The following CDH2 variants were observed in gnomAD, a reference collection of about 807,000 sequenced individuals.
CDH2 encodes cadherin-2.
In CDH2, 17 loss-of-function variants were observed where a neutral mutation model predicts 92.0. The observed-to-expected ratio is 0.18, with a 90% confidence interval of 0.13 to 0.28. The LOEUF (loss-of-function observed/expected upper bound fraction) is 0.28, where lower values mean the gene tolerates loss of function less well. Ranked by LOEUF, CDH2 falls within the 10% of genes least tolerant of loss-of-function variation. The pLI, the probability that CDH2 is intolerant of heterozygous loss-of-function variation, is 1.00. For synonymous variants in CDH2, 419 were observed against 415.9 expected, an observed-to-expected ratio of 1.01 and a Z score of -0.09; for missense variants, 862 against 1,133.1, an observed-to-expected ratio of 0.76 and a Z score of 3.44.
At position 28,015,836 on chromosome 18, in the gene CDH2, A is replaced by G. The variant is rs539017314; in HGVS notation, c.173-1927T>C. Reference sequence around the variant, plus strand: ...CTCCCTGCTTAAAATCTGTAACATTATATGTCAGATCTTTAACCTAGAGTA... The same window carrying G: ...CTCCCTGCTTAAAATCTGTAACATTGTATGTCAGATCTTTAACCTAGAGTA... On this transcript the variant is annotated intron_variant, in intron 2 of 15. Transcript: ENST00000269141. 5.9e-5 allele frequency among the ~76,000 whole-genome samples: 9 copies of G among 152,292 alleles called. No homozygotes were observed. The South Asian group carries it at 1.9e-3, about 32-fold the overall frequency.
chr18:28,018,753 A>T (rs1474715753), intron 2 of CDH2, among the ~76,000 whole-genome samples: 2 of 151,880 alleles, frequency 1.3e-5, no homozygotes, highest in Non-Finnish European at 2.9e-5. Flanking sequence ...TATGAAAAGG[A>T]GTGTGGTAAT....
intron 2 of CDH2, among the ~76,000 whole-genome samples, chr18:28,110,016 C>T (rs926161566): frequency 6.6e-6 from 1 of 152,112 alleles, no homozygotes; most frequent in Non-Finnish European, 1.5e-5. Flanking sequence ...ATGGCAAGAG[C>T]ATACAAATAC....
chr18:28,073,839 G>C (rs991752199), intron 2 of CDH2, among the ~76,000 whole-genome samples: 9 of 152,160 alleles, frequency 5.9e-5, no homozygotes, highest in African/African-American at 2.2e-4. Context: ...AGGTCCACTA[G>C]CCTTATCTGC....
chr18:27,951,890 A>ATCTCT lies in CDH2; in HGVS notation c.*262_*263insAGAGA, dbSNP rs1352568122. 6 of 442,570 alleles carry ATCTCT rather than the reference A, an allele frequency of 1.4e-5. No individual in the cohort carries two copies. The highest frequency in any genetic ancestry group is 2.5e-5 in the Non-Finnish European group (6 of 242,652). The allele number at this position is 442,570 out of a possible 1,614,324, so 27.4% of individuals were successfully genotyped here. On this transcript the variant is annotated 3_prime_UTR_variant, in exon 16 of 16. Transcript: ENST00000269141. Reference sequence around the variant, plus strand: ...AGCCTTAAACAGAAAACTAATTCCAATCTGAAAAAGGTACAAAAAGGCACA... The same window carrying ATCTCT: ...AGCCTTAAACAGAAAACTAATTCCAATCTCTTCTGAAAAAGGTACAAAAAGGCACA...
At chr18:27,938,128 C>T (rs962659714) in intron 6 of CDH2, among the ~76,000 whole-genome samples, 2 of 152,004 alleles carry the variant, frequency 1.3e-5, no homozygotes, top group Non-Finnish European at 2.9e-5. Flanking sequence ...TCTCTCTCTT[C>T]CTTGTGCTCC....
intron 13 of CDH2, among the ~76,000 whole-genome samples, chr18:27,984,519 T>C (rs1239908480): frequency 6.6e-6 from 1 of 152,178 alleles, no homozygotes; most frequent in Non-Finnish European, 1.5e-5. Context: ...AATCTCTCAC[T>C]CTTCTACACA....
intron 13 of CDH2, among the ~76,000 whole-genome samples, chr18:27,984,494 C>T (rs989251166): frequency 9.2e-5 from 14 of 152,176 alleles, no homozygotes; most frequent in African/African-American, 2.7e-4. Flanking sequence ...ATCAAATGTC[C>T]TGTATGTGAA....
chr18:28,174,591 A>G (rs1355058958), intron 1 of CDH2, among the ~76,000 whole-genome samples: 2 of 152,244 alleles, frequency 1.3e-5, no homozygotes, highest in African/African-American at 4.8e-5. Context: ...AAACTGAGAA[A>G]GAACATACAA....
chr18:28,101,639 G>T (rs1043352340), intron 2 of CDH2, among the ~76,000 whole-genome samples: 1 of 152,076 alleles, frequency 6.6e-6, no homozygotes, highest in South Asian at 2.1e-4. Flanking sequence ...TATGTTTGCT[G>T]AAATAGCTGT....
chr18:28,100,550 C>T (rs946783112), intron 2 of CDH2, among the ~76,000 whole-genome samples: 3 of 152,162 alleles, frequency 2.0e-5, no homozygotes, highest in Non-Finnish European at 2.9e-5. Flanking sequence ...TCCTATGGCT[C>T]GGTTTCTCTG....
intron 14 of CDH2, among the ~76,000 whole-genome samples, chr18:27,966,520 A>C (rs1316147345): frequency 6.6e-6 from 1 of 152,192 alleles, no homozygotes; most frequent in Non-Finnish European, 1.5e-5. Context: ...TTGCATTTTG[A>C]TTGGCTAGCA....
chr18:28,012,132 G>T, intron 3 of CDH2, 140 bp from the exon 4 acceptor site: 1 of 637,330 alleles, frequency 1.6e-6, no homozygotes, highest in Non-Finnish European at 2.5e-6. Context: ...CTTTTCCCTG[G>T]CCCCCTATTA....
At chr18:28,050,654 G>T (rs2014172422) in intron 2 of CDH2, among the ~76,000 whole-genome samples, 1 of 152,116 alleles carries the variant, frequency 6.6e-6, no homozygotes, top group Non-Finnish European at 1.5e-5. Flanking sequence ...GGGGAAACCA[G>T]CAGGCTGCAT....
intron 2 of CDH2, among the ~76,000 whole-genome samples, chr18:28,136,402 T>A (rs546077409): frequency 8.6e-5 from 13 of 151,834 alleles, no homozygotes; most frequent in African/African-American, 3.1e-4. Context: ...TTTTTTTTTT[T>A]ACCATCAAGT....
intron 1 of CDH2, among the ~76,000 whole-genome samples, chr18:28,156,156 TTTAA>T (rs1458621099): frequency 1.1e-4 from 17 of 152,182 alleles, no homozygotes; most frequent in African/African-American, 4.1e-4. Flanking sequence ...TCATCTTTAT[TTTAA>T]TTATCTTATT....
chr18:28,108,318 T>G (rs1018140683), intron 2 of CDH2, among the ~76,000 whole-genome samples: 2 of 152,316 alleles, frequency 1.3e-5, no homozygotes, highest in African/African-American at 2.4e-5. Flanking sequence ...ATGAGAAACA[T>G]TCTACAGAAA....
intron 2 of CDH2, among the ~76,000 whole-genome samples, chr18:28,124,617 C>T (rs1343324492): frequency 6.6e-6 from 1 of 152,150 alleles, no homozygotes; most frequent in African/African-American, 2.4e-5. Context: ...TCTACTACTT[C>T]GATATCTTGG....
chr18:28,023,737 A>G (rs1484249870), intron 2 of CDH2, among the ~76,000 whole-genome samples: 1 of 152,206 alleles, frequency 6.6e-6, no homozygotes, highest in African/African-American at 2.4e-5. Flanking sequence ...GATTCTAAAA[A>G]GTCTATTAGC....
chr18:27,979,277 A>G (rs2011959065), intron 14 of CDH2, among the ~76,000 whole-genome samples: 1 of 152,192 alleles, frequency 6.6e-6, no homozygotes, highest in Admixed American at 6.5e-5. Flanking sequence ...TTAAATAATG[A>G]GACATACATC....
Sources: allele counts gnomAD v4.1 joint callset (sites outside exome capture counted in the v4.1 genomes callset), GRCh38; gene constraint gnomAD v4.1.1; transcripts MANE v1.5; gene names NCBI Gene and HGNC (gene_info 2026-07-23, HGNC 2026-07-21).